KIR2DL1: variants seen among roughly 807,000 people sequenced by gnomAD.
KIR2DL1 encodes killer cell immunoglobulin like receptor, two Ig domains and long cytoplasmic tail 1.
KIR2DL1 carries 38 observed loss-of-function variants against 33.9 expected under a neutral mutation model. That is an observed-to-expected ratio of 1.12 (90% CI 0.86 to 1.47). KIR2DL1 has a LOEUF of 1.47. Ranked by LOEUF, KIR2DL1 falls within the 40% of genes most tolerant of loss-of-function variation. The probability of loss-of-function intolerance (pLI) is 0.00; values close to 1 mark genes in which losing one functional copy is unlikely to be tolerated. For missense variants in KIR2DL1, 531 were observed against 433.9 expected, an observed-to-expected ratio of 1.22 and a Z score of -1.99; for synonymous variants, 179 against 165.9, an observed-to-expected ratio of 1.08 and a Z score of -0.61.
At chr19:54,780,977 C>A (rs1233501731) in intron 5 of KIR2DL1, among the ~76,000 whole-genome samples, 3 of 97,902 alleles carry the variant, frequency 3.1e-5, no homozygotes, top group African/African-American at 8.2e-5. Context: ...AGTTCCAGAC[C>A]AGCCTGGCCA....
Position 54,770,993 on chromosome 19 carries a change from C to T in KIR2DL1, c.70+109C>T, listed in dbSNP as rs1480688257. 9 of 1,456,286 alleles carry T rather than the reference C, an allele frequency of 6.2e-6. 1 individual carries two copies. Among genetic ancestry groups the T allele is most frequent in the Non-Finnish European group, 8.6e-6 (9 of 1,048,836 alleles). The allele number at this position is 1,456,286 out of a possible 1,614,324, so 90.2% of individuals were successfully genotyped here. A position where few individuals can be genotyped will look rare whatever the true frequency, so the allele number is the denominator to read the frequency against. ...TCTCTCATAAACTAGGAAGAAGGGA[C>T]CCTGGGGTGCTGGGCCCACATTTCT... is the stretch of plus-strand genomic sequence containing the variant. On this transcript the variant is annotated intron_variant, in intron 2 of 7. Coordinates refer to ENST00000336077, the MANE Select transcript of KIR2DL1 (RefSeq NM_014218.3).
chr19:54,774,342 G>A (rs1355521689), intron 3 of KIR2DL1, among the ~76,000 whole-genome samples: 2 of 104,082 alleles, frequency 1.9e-5, no homozygotes, highest in Non-Finnish European at 4.5e-5. Context: ...AGAGAGAAAA[G>A]AGGGCAGAGG....
At chr19:54,778,464 T>C in intron 4 of KIR2DL1, 148 bp from the exon 5 acceptor site, 4 of 813,180 alleles carry the variant, frequency 4.9e-6, no homozygotes, top group Non-Finnish European at 5.8e-6. Flanking sequence ...GGGTGTCATA[T>C]AAAAAAATTA....
chr19:54,782,958 C>T lies in KIR2DL1; in HGVS notation c.752C>T (p.Ser251Leu), dbSNP rs762496978. The change falls in exon 6 of 8, where the codon TCA becomes TTA. Residue 251 changes from serine (S) to leucine (L), a missense_variant. By Grantham distance (145) the Ser-to-Leu change is moderately radical. Transcript: ENST00000336077. ...PRHLHILIGT[S>L]VVIILFILLF... Reference sequence around the variant, plus strand: ...CACCTGCACATTCTGATTGGGACCTCAGTGGTCATCATCCTCTTCATCCTC... The same window carrying T: ...CACCTGCACATTCTGATTGGGACCTTAGTGGTCATCATCCTCTTCATCCTC... 18 of 1,613,602 alleles carry T rather than the reference C, an allele frequency of 1.1e-5. No homozygotes were observed. The highest frequency in any genetic ancestry group is 1.5e-5 in the Non-Finnish European group (18 of 1,179,898).
intron 4 of KIR2DL1, among the ~76,000 whole-genome samples, chr19:54,777,912 G>A (rs1175129858): frequency 6.7e-6 from 1 of 148,236 alleles, no homozygotes; most frequent in Non-Finnish European, 1.5e-5. Flanking sequence ...TCCCTGCACT[G>A]TTTATTGAAA....
chr19:54,780,768 T>C (rs1239435458), intron 5 of KIR2DL1, among the ~76,000 whole-genome samples: 2,020 of 134,590 alleles, frequency 0.015, 110 homozygotes, highest in African/African-American at 0.052. Flanking sequence ...ACTTGTTTAA[T>C]CCTCGCTTAA....
At chr19:54,771,699 G>C (rs1215643683) in intron 2 of KIR2DL1, among the ~76,000 whole-genome samples, 1 of 148,086 alleles carries the variant, frequency 6.8e-6, no homozygotes, top group Non-Finnish European at 1.5e-5. Flanking sequence ...TCTTATCTTG[G>C]GTTTAACAAC....
chr19:54,770,610 G>A (rs1172233004), intron 1 of KIR2DL1, among the ~76,000 whole-genome samples: 8 of 146,418 alleles, frequency 5.5e-5, no homozygotes, highest in African/African-American at 1.2e-4. Flanking sequence ...TGGAAATATC[G>A]GCCTGGAGTG....
Position 54,783,531 on chromosome 19 carries a change from A to T in KIR2DL1, c.863A>T (p.Asn288Ile). The T allele has an allele frequency of 1.2e-6, 2 of 1,613,828 alleles. No homozygotes were observed. The highest frequency in any genetic ancestry group is 1.7e-6 in the Non-Finnish European group (2 of 1,179,892). Residue 288 changes from asparagine to isoleucine, a missense_variant, in exon 7 of 8, where the codon AAT becomes ATT. Physicochemically the swap from Asn to Ile is moderately radical, Grantham distance 149 (BLOSUM62 -3). Coordinates refer to ENST00000336077, the MANE Select transcript of KIR2DL1 (RefSeq NM_014218.3). ...GAGTCTGCAGGAAACAGAACAGCGA[A>T]TAGCGAGGTAGGTACTCCTCGGCCC... ...DQESAGNRTA[N>I]SEDSDEQDPQ...
At chr19:54,774,278 C>T (rs2076081278) in intron 3 of KIR2DL1, among the ~76,000 whole-genome samples, 2 of 148,084 alleles carry the variant, frequency 1.4e-5, no homozygotes, top group South Asian at 2.1e-4. Flanking sequence ...AAGACATAAA[C>T]ACACAGAGAA....
chr19:54,775,326 A>T lies in KIR2DL1; in HGVS notation c.532A>T (p.Asn178Tyr). ...TAGGCTCCCTGCAGGGCCCAAGGTC[A>T]ACGGAACATTCCAGGCTGACTTTCC... The part of the protein sequence containing the change: ...ERRLPAGPKV[N>Y]GTFQADFPLG... Residue 178 changes from asparagine to tyrosine, a missense_variant, in exon 4 of 8, where the codon AAC becomes TAC. Transcript: ENST00000336077. 1 of 1,581,582 alleles carries T rather than the reference A, an allele frequency of 6.3e-7. No homozygotes were observed. The highest frequency in any genetic ancestry group is 8.7e-7 in the Non-Finnish European group (1 of 1,153,404).
At chr19:54,772,048 A>C (rs370655147) in intron 2 of KIR2DL1, among the ~76,000 whole-genome samples, 19,053 of 145,276 alleles carry the variant, frequency 0.13, 1,334 homozygotes, top group South Asian at 0.21. Flanking sequence ...TGGTGGGAAG[A>C]ATAATTGTCC....
intron 4 of KIR2DL1, among the ~76,000 whole-genome samples, chr19:54,776,389 C>T (rs2076344644): frequency 6.9e-6 from 1 of 145,504 alleles, no homozygotes; most frequent in Non-Finnish European, 1.5e-5. Context: ...CCTCCAGTTC[C>T]ATCCATGTGG....
In KIR2DL1 at chr19:54,782,942, A is replaced by C. The variant is rs748674621; in HGVS notation, c.736A>C (p.Ile246Leu). 1 of 1,611,840 alleles carries C rather than the reference A, an allele frequency of 6.2e-7. No individual in the cohort carries two copies. The highest frequency in any genetic ancestry group is 8.5e-7 in the Non-Finnish European group (1 of 1,179,284). ...TCCAGGTAACCCCCGACACCTGCAC[A>C]TTCTGATTGGGACCTCAGTGGTCAT... ...SKTGNPRHLH[I>L]LIGTSVVIIL... Residue 246 changes from isoleucine (I) to leucine (L), a missense_variant, in exon 6 of 8, where the codon ATT becomes CTT. Transcript: ENST00000336077.
chr19:54,777,397 C>A (rs2076477716), intron 4 of KIR2DL1, among the ~76,000 whole-genome samples: 1 of 148,400 alleles, frequency 6.7e-6, no homozygotes, highest in Admixed American at 6.8e-5. Flanking sequence ...GGCCTAAAAG[C>A]CATTTTAATG....
At chr19:54,775,039 GT>G in intron 3 of KIR2DL1, 125 bp from the exon 4 acceptor site, 1 of 1,292,242 alleles carries the variant, frequency 7.7e-7, no homozygotes, top group East Asian at 2.3e-5. Flanking sequence ...GAGCGATGGG[GT>G]AGAGGGTGAG....
chr19:54,784,271 A>G lies in KIR2DL1; in HGVS notation c.*458A>G, dbSNP rs202027180. The G allele has an allele frequency of 3.9e-6, 1 of 255,730 alleles. No individual in the cohort carries two copies. Among genetic ancestry groups the G allele is most frequent in the East Asian group, 1.2e-4 (1 of 8,640 alleles). The allele number at this position is 255,730 out of a possible 1,614,324, so 15.8% of individuals were successfully genotyped here. A position where few individuals can be genotyped will look rare whatever the true frequency, so the allele number is the denominator to read the frequency against. ...CAGCAGTAAAACTTATATATTTTTT[A>G]AAATAACTTCAATGTAGTTTTCCAT... On this transcript the variant is annotated 3_prime_UTR_variant, in exon 8 of 8. Transcript: ENST00000336077.
Position 54,784,051 on chromosome 19 carries a change from A to G in KIR2DL1, c.*238A>G. The G allele has an allele frequency of 1.5e-6, 1 of 665,892 alleles. No individual in the cohort carries two copies. The highest frequency in any genetic ancestry group is 2.5e-6 in the Non-Finnish European group (1 of 394,338). The allele number at this position is 665,892 out of a possible 1,614,324, so 41.2% of individuals were successfully genotyped here. ...TCCTTTGCTTAACCCACAGTTCTCC[A>G]TTTCACTTGACCCCTGCCCACCTCT... On this transcript the variant is annotated 3_prime_UTR_variant, in exon 8 of 8. Coordinates refer to ENST00000336077, the MANE Select transcript of KIR2DL1 (RefSeq NM_014218.3).
chr19:54,776,634 C>CTTTTTTTTTTTTTTTTTTTTT (rs113294942), intron 4 of KIR2DL1, among the ~76,000 whole-genome samples: 3 of 128,314 alleles, frequency 2.3e-5, no homozygotes, highest in Non-Finnish European at 3.4e-5. Flanking sequence ...TGAAAGTTCT[C>CTTTTTTTTTTTTTTTTTTTTT]TTTTTTTTTT....
Sources: gnomAD v4.1 joint callset for allele counts (sites outside exome capture counted in the v4.1 genomes callset) on GRCh38, gnomAD v4.1.1 for gene constraint, MANE v1.5 for transcripts, NCBI Gene and HGNC (gene_info 2026-07-23, HGNC 2026-07-21) for gene names.